MBD5: variants seen among roughly 807,000 people sequenced by gnomAD.
MBD5 encodes the protein methyl-CpG binding domain protein 5.
Under a neutral mutation model 117.3 loss-of-function variants are expected in MBD5, and 13 were observed. That is an observed-to-expected ratio of 0.11 (90% CI 0.07 to 0.18). MBD5 has a LOEUF of 0.18. MBD5 is among the 10% of genes least tolerant of loss of function. MBD5 has a pLI of 1.00. For missense variants in MBD5, 1,879 were observed against 2,093.8 expected (o/e 0.90, Z 2.00); for synonymous variants, 727 against 766.4 (o/e 0.95, Z 0.85).
At chr2:148,417,577 A>C (rs1705462576) in intron 4 of MBD5, among the ~76,000 whole-genome samples, 1 of 146,464 alleles carries the variant, frequency 6.8e-6, no homozygotes, top group African/African-American at 2.5e-5. Context: ...TCCCACTATC[A>C]GTGTGTAAGC....
At chr2:148,329,699 A>G (rs1243709260) in intron 3 of MBD5, among the ~76,000 whole-genome samples, 2 of 152,192 alleles carry the variant, frequency 1.3e-5, no homozygotes, top group African/African-American at 4.8e-5. Flanking sequence ...CTACTGTCAG[A>G]GGCATAACCT....
chr2:148,311,534 A>G (rs10179991), intron 3 of MBD5, among the ~76,000 whole-genome samples: 1,900 of 152,226 alleles, frequency 0.012, 40 homozygotes, highest in African/African-American at 0.043. Context: ...TTTTGAACCT[A>G]TGTGTGTGTT....
chr2:148,150,656 C>T (rs1327837705), intron 1 of MBD5, among the ~76,000 whole-genome samples: 2 of 151,774 alleles, frequency 1.3e-5, no homozygotes, highest in Admixed American at 6.6e-5. Flanking sequence ...AGGTCCTTCA[C>T]ATCCCTTGTA....
intron 1 of MBD5, among the ~76,000 whole-genome samples, chr2:148,175,071 G>C (rs1378453869): frequency 6.6e-6 from 1 of 152,112 alleles, no homozygotes; most frequent in Non-Finnish European, 1.5e-5. Context: ...ATAAAAAGTA[G>C]AGTATGGTAA....
rs757076561 is a variant in MBD5, at chr2:148,483,277, C to T, written c.2686C>T (p.His896Tyr). The change falls in exon 9 of 14, where the codon CAC (histidine) becomes TAC (tyrosine). Residue 896 changes from histidine (H) to tyrosine (Y), a missense_variant. Physicochemically the swap from His to Tyr is moderately conservative, Grantham distance 83. Transcript: ENST00000642680. Reference sequence around the variant, plus strand: ...TGATTTTCCTTTTGTTGGCCAGGAGCACGCACTTCATTTTCCATCCAACAG... The same window carrying T: ...TGATTTTCCTTTTGTTGGCCAGGAGTACGCACTTCATTTTCCATCCAACAG... ...GSDFPFVGQE[H>Y]ALHFPSNSTS... is the part of the protein sequence containing the mutation. 6.2e-7 allele frequency: 1 copy of T among 1,614,078 alleles called. No individual in the cohort carries two copies. Among genetic ancestry groups the T allele is most frequent in the Non-Finnish European group, 8.5e-7 (1 of 1,180,014 alleles).
chr2:148,360,016 A>C (rs972666921), intron 4 of MBD5, among the ~76,000 whole-genome samples: 4 of 152,162 alleles, frequency 2.6e-5, no homozygotes, highest in African/African-American at 9.7e-5. Context: ...TAAATCCATA[A>C]CTGAATAAAT....
At chr2:148,445,315 T>G (rs1245891216) in intron 4 of MBD5, among the ~76,000 whole-genome samples, 3 of 149,390 alleles carry the variant, frequency 2.0e-5, no homozygotes, top group Non-Finnish European at 4.4e-5. Context: ...GGCCCCAGTG[T>G]GTGATGTTCC....
chr2:148,341,180 G>A (rs1446114311), intron 3 of MBD5, among the ~76,000 whole-genome samples: 1 of 151,938 alleles, frequency 6.6e-6, no homozygotes, highest in Admixed American at 6.6e-5. Context: ...CCCCAATACT[G>A]TTTTGCCAGA....
At chr2:148,295,224 A>G (rs10188956) in intron 3 of MBD5, among the ~76,000 whole-genome samples, 143,542 of 152,240 alleles carry the variant, frequency 0.94, 68,185 homozygotes, top group East Asian at 1. Flanking sequence ...AGGCTCTGTT[A>G]TTTACTACAT....
intron 1 of MBD5, among the ~76,000 whole-genome samples, chr2:148,136,051 T>G (rs946338852): frequency 6.6e-6 from 1 of 152,180 alleles, no homozygotes; most frequent in African/African-American, 2.4e-5. Flanking sequence ...TGTTATAAAC[T>G]ATCTAATCAT....
chr2:148,107,889 A>G (rs1696409015), intron 1 of MBD5, among the ~76,000 whole-genome samples: 1 of 152,084 alleles, frequency 6.6e-6, no homozygotes, highest in Admixed American at 6.5e-5. Context: ...TTTACATGTG[A>G]AGAGAATGTT....
chr2:148,150,879 A>T (rs966529401), intron 1 of MBD5, among the ~76,000 whole-genome samples: 1 of 152,228 alleles, frequency 6.6e-6, no homozygotes, highest in South Asian at 2.1e-4. Flanking sequence ...CAATCATGTC[A>T]TCTGCAAACA....
intron 2 of MBD5, among the ~76,000 whole-genome samples, chr2:148,181,606 T>C (rs1177004613): frequency 1.3e-5 from 2 of 152,192 alleles, no homozygotes; most frequent in African/African-American, 2.4e-5. Context: ...AGTTTGAGTA[T>C]CTCATCATAT....
chr2:148,495,681 A>G (rs1366553420), intron 11 of MBD5, among the ~76,000 whole-genome samples: 1 of 152,258 alleles, frequency 6.6e-6, no homozygotes, highest in Non-Finnish European at 1.5e-5. Context: ...TTTTCAAAGC[A>G]TAAGTGGGTA....
intron 1 of MBD5, among the ~76,000 whole-genome samples, chr2:148,155,231 A>T (rs1177788283): frequency 1.3e-5 from 2 of 152,178 alleles, no homozygotes; most frequent in African/African-American, 4.8e-5. Flanking sequence ...TTACCATTTA[A>T]GCAAAGATCT....
intron 3 of MBD5, chr2:148,264,316 A>AGAAGAG (rs1553491433): frequency 4.7e-4 from 71 of 150,624 alleles, no homozygotes; most frequent in African/African-American, 1.2e-3. Context: ...AAGAAGAAGA[A>AGAAGAG]GAAGAGGAAG....
At chr2:148,373,216 G>A (rs1346104934) in intron 4 of MBD5, among the ~76,000 whole-genome samples, 8 of 152,240 alleles carry the variant, frequency 5.3e-5, no homozygotes, top group Admixed American at 5.2e-4. Flanking sequence ...AAAGCTTTCA[G>A]AGAACAGAGG....
chr2:148,152,457 G>A (rs1213537149), intron 1 of MBD5, among the ~76,000 whole-genome samples: 10 of 151,898 alleles, frequency 6.6e-5, no homozygotes, highest in Non-Finnish European at 7.4e-5. Context: ...TATTAGGTCC[G>A]CTTGCTGCAG....
intron 4 of MBD5, among the ~76,000 whole-genome samples, chr2:148,450,636 G>T (rs191959637): frequency 6.6e-6 from 1 of 152,128 alleles, no homozygotes; most frequent in Non-Finnish European, 1.5e-5. Context: ...AAACAAGAGC[G>T]AAAGTTATAA....
Sources: allele counts gnomAD v4.1 joint callset (sites outside exome capture counted in the v4.1 genomes callset), GRCh38; gene constraint gnomAD v4.1.1; transcripts MANE v1.5; gene names NCBI Gene and HGNC (gene_info 2026-07-23, HGNC 2026-07-21).